The following CD38 variants were observed in gnomAD, a reference collection of about 807,000 sequenced individuals.
The protein encoded by CD38 is ADP-ribosyl cyclase/cyclic ADP-ribose hydrolase 1.
CD38 carries 31 observed loss-of-function variants against 36.3 expected under a neutral mutation model. That is an observed-to-expected ratio of 0.85 (90% CI 0.64 to 1.15). CD38 has a LOEUF of 1.15. CD38 is among the 50% of genes most tolerant of loss of function. The probability of loss-of-function intolerance (pLI) is 0.00; values close to 1 mark genes in which losing one functional copy is unlikely to be tolerated. For missense variants in CD38, 380 were observed against 371.9 expected, an observed-to-expected ratio of 1.02 and a Z score of -0.18; for synonymous variants, 131 against 135.2, an observed-to-expected ratio of 0.97 and a Z score of 0.22.
In CD38 at chr4:15,840,438, T is replaced by A. The variant is rs1192170520; in HGVS notation, c.753-14T>A. The A allele has an allele frequency of 3.3e-6, 5 of 1,534,420 alleles. No homozygotes were observed. In the East Asian group the frequency reaches 6.7e-5, roughly 21 times the overall value. On this transcript the variant is annotated splice_polypyrimidine_tract_variant and intron_variant, in intron 6 of 7. Coordinates refer to ENST00000226279, the MANE Select transcript of CD38 (RefSeq NM_001775.4). ...AGATCTTGTAATTTTAATACTTTCT[T>A]CTTTCTTCCCCAGAGACTTATGCCA...
Position 15,850,732 on chromosome 4 carries a change from A to C in CD38, c.*2130A>C, listed in dbSNP as rs1177984001. On this transcript the variant is annotated 3_prime_UTR_variant, in exon 8 of 8. Transcript: ENST00000226279. Reference sequence around the variant, plus strand: ...CTCCCCTGGCAGACATCCTTGTGGGAGTTTAGTCTTGGCTCGACATGAGGA... The same window carrying C: ...CTCCCCTGGCAGACATCCTTGTGGGCGTTTAGTCTTGGCTCGACATGAGGA... 6.6e-6 allele frequency: 1 copy of C among 152,060 alleles called. No homozygotes were observed. Among genetic ancestry groups the C allele is most frequent in the East Asian group, 1.9e-4 (1 of 5,174 alleles). 9.4% of individuals were successfully genotyped at this position (152,060 alleles called of 1,614,324 possible). A position where few individuals can be genotyped will look rare whatever the true frequency, so the allele number is the denominator to read the frequency against.
intron 1 of CD38, among the ~76,000 whole-genome samples, chr4:15,793,786 A>C (rs979562602): frequency 2.0e-5 from 3 of 152,236 alleles, no homozygotes; most frequent in Non-Finnish European, 4.4e-5. Context: ...GATTCTGGAT[A>C]TGTTTTGAAA....
At chr4:15,816,124 G>A (rs1453647015) in intron 1 of CD38, among the ~76,000 whole-genome samples, 1 of 152,226 alleles carries the variant, frequency 6.6e-6, no homozygotes, top group African/African-American at 2.4e-5. Flanking sequence ...CAACTTGATC[G>A]TGGTGGATAA....
intron 1 of CD38, among the ~76,000 whole-genome samples, chr4:15,813,188 G>A (rs1286231526): frequency 6.6e-6 from 1 of 152,112 alleles, no homozygotes; most frequent in East Asian, 1.9e-4. Context: ...GACATCTTTG[G>A]ACTGTACTTG....
In CD38 at chr4:15,849,989, A is replaced by T. The variant is rs1397127697; in HGVS notation, c.*1387A>T. Reference sequence around the variant, plus strand: ...ATATAAAAATATGTGCCTAGTTTTTAACATCTGGAGATTTTCTAGTTTTGA... The same window carrying T: ...ATATAAAAATATGTGCCTAGTTTTTTACATCTGGAGATTTTCTAGTTTTGA... On this transcript the variant is annotated 3_prime_UTR_variant, in exon 8 of 8. Coordinates refer to ENST00000226279, the MANE Select transcript of CD38 (RefSeq NM_001775.4). The T allele has an allele frequency of 2.6e-5, 4 of 152,192 alleles. No individual in the cohort carries two copies. The highest frequency in any genetic ancestry group is 9.7e-5 in the African/African-American group (4 of 41,450). 9.4% of individuals were successfully genotyped at this position (152,192 alleles called of 1,614,324 possible). A position where few individuals can be genotyped will look rare whatever the true frequency, so the allele number is the denominator to read the frequency against.
chr4:15,840,316 A>C, intron 6 of CD38, 136 bp from the exon 7 acceptor site: 1 of 728,486 alleles, frequency 1.4e-6, no homozygotes. Context: ...CTGCTGACCC[A>C]GGAGCTCTTA....
intron 2 of CD38, among the ~76,000 whole-genome samples, chr4:15,821,263 C>T (rs2148923478): frequency 6.6e-6 from 1 of 152,048 alleles, no homozygotes; most frequent in East Asian, 1.9e-4. Flanking sequence ...GACATCCTAA[C>T]ATCACAACTA....
rs746472953 is a variant in CD38 at position 15,838,182 on chromosome 4, C to T, written c.659+17C>T. On this transcript the variant is annotated intron_variant, in intron 5 of 7. Coordinates refer to ENST00000226279, the MANE Select transcript of CD38 (RefSeq NM_001775.4). ...CAAAAACAGGTACACATTTATTTTG[C>T]ATCCTGTTTGCAAGTATCCTGTTGC... 5.7e-6 allele frequency: 9 copies of T among 1,574,022 alleles called. No individual in the cohort carries two copies. The South Asian group carries it at 6.7e-5, about 12-fold the overall frequency.
At chr4:15,835,792 G>A (rs1171972493) in intron 4 of CD38, among the ~76,000 whole-genome samples, 1 of 152,198 alleles carries the variant, frequency 6.6e-6, no homozygotes, top group East Asian at 1.9e-4. Context: ...GATTACAGGG[G>A]TGAGCCACTG....
intron 7 of CD38, among the ~76,000 whole-genome samples, chr4:15,847,988 C>G (rs1724300140): frequency 6.6e-6 from 1 of 152,184 alleles, no homozygotes; most frequent in African/African-American, 2.4e-5. Flanking sequence ...CTTCCAGAAG[C>G]CCAGGGGTGC....
chr4:15,821,694 C>T (rs865819381), intron 2 of CD38, among the ~76,000 whole-genome samples: 1 of 77,768 alleles, frequency 1.3e-5, no homozygotes, highest in Non-Finnish European at 3.0e-5. Flanking sequence ...AAATACCAAC[C>T]AAAAAAAAAA....
chr4:15,788,297 A>G (rs552954678), intron 1 of CD38, among the ~76,000 whole-genome samples: 12 of 152,208 alleles, frequency 7.9e-5, no homozygotes, highest in African/African-American at 2.6e-4. Context: ...GATGCTACCA[A>G]TTGGTTGGAG....
In CD38 at chr4:15,834,307, G is replaced by A. The variant is rs1724020478; in HGVS notation, c.585+5G>A. On this transcript the variant is annotated splice_donor_5th_base_variant and intron_variant, in intron 4 of 7. Coordinates refer to ENST00000226279, the MANE Select transcript of CD38 (RefSeq NM_001775.4). ...TGGAAAACGGTTTCCCGCAGGGTAA[G>A]TACCAAGTAGTGAAATTCTAGAGCT... 17 of 1,584,290 alleles carry A rather than the reference G, an allele frequency of 1.1e-5. No homozygotes were observed. The highest frequency in any genetic ancestry group is 1.3e-5 in the African/African-American group (1 of 74,356).
At chr4:15,806,633 G>T (rs1723347186) in intron 1 of CD38, among the ~76,000 whole-genome samples, 1 of 152,194 alleles carries the variant, frequency 6.6e-6, no homozygotes, top group Non-Finnish European at 1.5e-5. Context: ...CCTTGGGTAG[G>T]TCAGAGAAGG....
intron 1 of CD38, among the ~76,000 whole-genome samples, chr4:15,786,936 C>T (rs2148914266): frequency 6.6e-6 from 1 of 152,382 alleles, no homozygotes; most frequent in South Asian, 2.1e-4. Context: ...TGGGCCAGCA[C>T]TGCTGGGGGA....
intron 2 of CD38, among the ~76,000 whole-genome samples, chr4:15,817,377 C>G (rs1283804397): frequency 6.6e-6 from 1 of 152,320 alleles, no homozygotes; most frequent in East Asian, 1.9e-4. Context: ...TTAAATCCAT[C>G]CAGAAATTAC....
chr4:15,785,012 C>G (rs189308151), intron 1 of CD38, among the ~76,000 whole-genome samples: 2 of 151,470 alleles, frequency 1.3e-5, no homozygotes, highest in African/African-American at 4.9e-5. Flanking sequence ...GCTGAGCTCA[C>G]GCCACTACAC....
At chr4:15,832,956 C>T (rs1723988932) in intron 3 of CD38, among the ~76,000 whole-genome samples, 1 of 152,226 alleles carries the variant, frequency 6.6e-6, no homozygotes, top group Admixed American at 6.5e-5. Flanking sequence ...CAGTCCTTCC[C>T]ATGCTGTCTT....
At chr4:15,801,473 C>A (rs772374863) in intron 1 of CD38, among the ~76,000 whole-genome samples, 1 of 152,018 alleles carries the variant, frequency 6.6e-6, no homozygotes, top group Non-Finnish European at 1.5e-5. Flanking sequence ...CAAAACCAGA[C>A]AAGGATACAA....
Sources: gnomAD v4.1 joint callset for allele counts (sites outside exome capture counted in the v4.1 genomes callset) on GRCh38, gnomAD v4.1.1 for gene constraint, MANE v1.5 for transcripts, NCBI Gene and HGNC (gene_info 2026-07-23, HGNC 2026-07-21) for gene names.